The following SLC9A2 variants were observed in gnomAD, a reference collection of about 807,000 sequenced individuals.
The protein encoded by SLC9A2 is solute carrier family 9 member A2, also known as sodium/hydrogen exchanger 2.
SLC9A2 carries 42 observed loss-of-function variants against 71.7 expected under a neutral mutation model. The ratio of observed to expected loss-of-function variants is 0.59; its 90% CI spans 0.46 to 0.76. The LOEUF (loss-of-function observed/expected upper bound fraction) is 0.76, where lower values mean the gene tolerates loss of function less well. SLC9A2 is among the 30% of genes least tolerant of loss of function. The pLI is 0.00. For missense variants in SLC9A2, 829 were observed against 1,017.4 expected, an observed-to-expected ratio of 0.81 and a Z score of 2.52; for synonymous variants, 396 against 392.5, an observed-to-expected ratio of 1.01 and a Z score of -0.10.
intron 1 of SLC9A2, among the ~76,000 whole-genome samples, chr2:102,636,158 T>C (rs1676466134): frequency 6.6e-6 from 1 of 152,180 alleles, no homozygotes; most frequent in African/African-American, 2.4e-5. Flanking sequence ...TACATACTCA[T>C]TGAAACCCCT....
chr2:102,633,095 T>C (rs182719749), intron 1 of SLC9A2, among the ~76,000 whole-genome samples: 6 of 152,218 alleles, frequency 3.9e-5, no homozygotes, highest in Admixed American at 3.9e-4. Flanking sequence ...AAAATAATAA[T>C]AGCTAACAAG....
intron 1 of SLC9A2, among the ~76,000 whole-genome samples, chr2:102,644,350 A>C (rs1676673375): frequency 6.6e-6 from 1 of 152,262 alleles, no homozygotes; most frequent in South Asian, 2.1e-4. Flanking sequence ...GGGTGCCTAC[A>C]CAACCAGGGC....
chr2:102,665,451 G>T, intron 3 of SLC9A2, 101 bp downstream of exon 3: 1 of 1,248,026 alleles, frequency 8.0e-7, no homozygotes, highest in Non-Finnish European at 1.1e-6. Context: ...TGAAACACTA[G>T]GTTTTCTTAT....
At chr2:102,698,757 C>A (rs900531610) in intron 7 of SLC9A2, among the ~76,000 whole-genome samples, 1 of 152,180 alleles carries the variant, frequency 6.6e-6, no homozygotes, top group African/African-American at 2.4e-5. Flanking sequence ...TGTGCAAGCC[C>A]AGGTTAAGCC....
At chr2:102,664,882 A>G (rs1188732645) in intron 2 of SLC9A2, among the ~76,000 whole-genome samples, 2 of 152,226 alleles carry the variant, frequency 1.3e-5, no homozygotes, top group Admixed American at 1.3e-4. Context: ...TTAGAAATAA[A>G]TTCCCTGACA....
At chr2:102,690,245 G>A (rs1677632542) in intron 5 of SLC9A2, among the ~76,000 whole-genome samples, 1 of 152,174 alleles carries the variant, frequency 6.6e-6, no homozygotes, top group South Asian at 2.1e-4. Context: ...TCTAGCAACT[G>A]TGACAAATAC....
intron 9 of SLC9A2, 79 bp from the exon 10 acceptor site, chr2:102,704,465 T>C (rs948601555): frequency 2.1e-6 from 3 of 1,424,230 alleles, no homozygotes; most frequent in Non-Finnish European, 2.9e-6. Context: ...AGAAATGTGG[T>C]AAAGTCTTGG....
chr2:102,687,615 T>C (rs1486426538), intron 5 of SLC9A2, among the ~76,000 whole-genome samples: 1 of 152,228 alleles, frequency 6.6e-6, no homozygotes. Flanking sequence ...TACTGAGTTA[T>C]AACTATCTTC....
chr2:102,638,054 G>C (rs1345896226), intron 1 of SLC9A2, among the ~76,000 whole-genome samples: 2 of 152,150 alleles, frequency 1.3e-5, no homozygotes, highest in Non-Finnish European at 2.9e-5. Context: ...AAGATAACTT[G>C]GACAGAAGAA....
Position 102,710,023 on chromosome 2 carries a change from A to G in SLC9A2, c.*1534A>G, listed in dbSNP as rs1678074258. ...CTTCTCCACCTCCACCAGCAAGGAG[A>G]AGTCAATCTACACTTTTTTCTCATG... On this transcript the variant is annotated 3_prime_UTR_variant, in exon 12 of 12. Coordinates refer to ENST00000233969, the MANE Select transcript of SLC9A2 (RefSeq NM_003048.6). 6.6e-6 allele frequency: 1 copy of G among 152,600 alleles called. No individual in the cohort carries two copies. The highest frequency in any genetic ancestry group is 6.6e-5 in the Admixed American group (1 of 15,252). The allele number at this position is 152,600 out of a possible 1,614,324, so 9.5% of individuals were successfully genotyped here.
chr2:102,658,004 C>G lies in SLC9A2; in HGVS notation c.730C>G (p.Leu244Val). Residue 244 changes from leucine to valine, a missense_variant, in exon 2 of 12, where the codon CTG (leucine) becomes GTG (valine). Coordinates refer to ENST00000233969, the MANE Select transcript of SLC9A2 (RefSeq NM_003048.6). ...CTACATCCTGGTCTTTGGAGAGTCC[C>G]TGCTGAATGATGCAGTAACAGTGGT... ...QLYILVFGESLLNDAVTVVLY... is the reference protein window; with the variant it reads ...QLYILVFGESVLNDAVTVVLY... The G allele has an allele frequency of 6.2e-7, 1 of 1,609,884 alleles. No individual in the cohort carries two copies. Among genetic ancestry groups the G allele is most frequent in the Non-Finnish European group, 8.5e-7 (1 of 1,177,782 alleles).
At chr2:102,686,163 C>A (rs1296291063) in intron 5 of SLC9A2, among the ~76,000 whole-genome samples, 1 of 152,154 alleles carries the variant, frequency 6.6e-6, no homozygotes, top group Non-Finnish European at 1.5e-5. Flanking sequence ...ATTCATTTAA[C>A]CCTCATAACA....
chr2:102,684,298 G>A lies in SLC9A2; in HGVS notation c.1387G>A (p.Ala463Thr). ...TCCTCGGAAAAAATTGTTTATTACG[G>A]CTGCCATTGTTGTCATATTCTTTAC... ...VFPRKKLFIT[A>T]AIVVIFFTVF... The change falls in exon 5 of 12, where the codon GCT (alanine) becomes ACT (threonine). Residue 463 changes from alanine (A) to threonine (T), a missense_variant. Transcript: ENST00000233969. 1 of 1,614,106 alleles carries A rather than the reference G, an allele frequency of 6.2e-7. No homozygotes were observed. The highest frequency in any genetic ancestry group is 1.1e-5 in the South Asian group (1 of 91,080).
chr2:102,684,724 G>A (rs977076076), intron 5 of SLC9A2, among the ~76,000 whole-genome samples: 6 of 152,316 alleles, frequency 3.9e-5, no homozygotes, highest in African/African-American at 1.4e-4. Context: ...TCCCCTAAAT[G>A]AGGAATGGAT....
intron 3 of SLC9A2, among the ~76,000 whole-genome samples, chr2:102,677,159 T>C (rs17027717): frequency 0.056 from 8,471 of 152,168 alleles, 461 homozygotes; most frequent in African/African-American, 0.14. Context: ...TAAATATCTA[T>C]AGAAAGCAGG....
intron 3 of SLC9A2, among the ~76,000 whole-genome samples, chr2:102,682,747 G>A (rs1005570664): frequency 3.9e-5 from 6 of 152,170 alleles, no homozygotes; most frequent in African/African-American, 1.2e-4. Flanking sequence ...ATGAAGAATC[G>A]AAAACAGTTG....
At chr2:102,658,143 A>T in intron 2 of SLC9A2, 116 bp downstream of exon 2, 1 of 713,186 alleles carries the variant, frequency 1.4e-6, no homozygotes, top group South Asian at 1.8e-5. Context: ...TGGTTTCATG[A>T]GCAATTGCCC....
chr2:102,685,760 C>T (rs548514405), intron 5 of SLC9A2, among the ~76,000 whole-genome samples: 6 of 152,170 alleles, frequency 3.9e-5, no homozygotes, highest in Non-Finnish European at 7.4e-5. Context: ...AGTTCAATGA[C>T]GGGCATGCTG....
intron 7 of SLC9A2, among the ~76,000 whole-genome samples, chr2:102,695,781 T>TATATATATATA (rs1173797174): frequency 2.3e-3 from 35 of 15,476 alleles, no homozygotes; most frequent in African/African-American, 4.2e-3. Flanking sequence ...ATATATATTA[T>TATATATATATA]ATATATATTA....
Sources: gnomAD v4.1 joint callset for allele counts (sites outside exome capture counted in the v4.1 genomes callset) on GRCh38, gnomAD v4.1.1 for gene constraint, MANE v1.5 for transcripts, NCBI Gene and HGNC (gene_info 2026-07-23, HGNC 2026-07-21) for gene names.